The following PHTF2 variants were observed in gnomAD, a reference collection of about 807,000 sequenced individuals.
The protein encoded by PHTF2 is protein PHTF2.
PHTF2 carries 60 observed loss-of-function variants against 101.2 expected under a neutral mutation model. That is an observed-to-expected ratio of 0.59 (90% confidence interval 0.48 to 0.73). PHTF2 has a LOEUF of 0.73. PHTF2 is among the 30% of genes least tolerant of loss of function. PHTF2 has a pLI of 0.00. For missense variants in PHTF2, 747 were observed against 908.7 expected, an observed-to-expected ratio of 0.82 and a Z score of 2.29; for synonymous variants, 311 against 307.3, an observed-to-expected ratio of 1.01 and a Z score of -0.13.
At chr7:77,954,117 A>G (rs1407252015) in intron 19 of PHTF2, among the ~76,000 whole-genome samples, 1 of 152,058 alleles carries the variant, frequency 6.6e-6, no homozygotes, top group African/African-American at 2.4e-5. Flanking sequence ...TGTGTAGGAT[A>G]AGTAGAAGTA....
intron 3 of PHTF2, among the ~76,000 whole-genome samples, chr7:77,864,555 T>C (rs1797901548): frequency 6.6e-6 from 1 of 152,184 alleles, no homozygotes; most frequent in African/African-American, 2.4e-5. Context: ...CAAATAAAAC[T>C]GTTTGAAGTC....
intron 1 of PHTF2, among the ~76,000 whole-genome samples, chr7:77,808,740 A>G (rs1793183322): frequency 6.6e-6 from 1 of 152,194 alleles, no homozygotes; most frequent in Non-Finnish European, 1.5e-5. Flanking sequence ...TTCTCAGTGT[A>G]GGGGTACTTC....
intron 2 of PHTF2, among the ~76,000 whole-genome samples, chr7:77,849,611 A>G (rs1472683314): frequency 1.3e-5 from 2 of 152,186 alleles, no homozygotes; most frequent in Non-Finnish European, 2.9e-5. Context: ...TGTCATTGGC[A>G]TTTTGATAGT....
chr7:77,923,179 A>G, intron 11 of PHTF2: 3 of 923,676 alleles, frequency 3.2e-6, no homozygotes, highest in Non-Finnish European at 3.9e-6. Context: ...AAGTCCCCAT[A>G]CTTCAAAATT....
exon 11 of PHTF2, chr7:77,922,717 C>T: frequency 1.2e-6 from 2 of 1,609,066 alleles, no homozygotes; most frequent in African/African-American, 2.7e-5. Context: ...GTGGACAGGA[C>T]TTCTGAAGGT....
chr7:77,822,775 TTGACACTCAAGC>T, intron 1 of PHTF2, among the ~76,000 whole-genome samples: 1 of 152,164 alleles, frequency 6.6e-6, no homozygotes, highest in Non-Finnish European at 1.5e-5. Context: ...TACTCTCCCA[TTGACACTCAAGC>T]TGAATCTTAG....
intron 15 of PHTF2, among the ~76,000 whole-genome samples, chr7:77,941,806 C>T (rs915064431): frequency 2.0e-5 from 3 of 152,108 alleles, no homozygotes; most frequent in African/African-American, 7.2e-5. Flanking sequence ...CTTTTCATTC[C>T]TTTCTTCAGT....
At chr7:77,881,547 T>G (rs1206820798) in intron 3 of PHTF2, among the ~76,000 whole-genome samples, 1 of 152,134 alleles carries the variant, frequency 6.6e-6, no homozygotes, top group Non-Finnish European at 1.5e-5. Flanking sequence ...CTTTTTTCTT[T>G]TTTTGTAGAG....
intron 1 of PHTF2, among the ~76,000 whole-genome samples, chr7:77,833,786 A>AC (rs1344575244): frequency 1.3e-5 from 2 of 152,190 alleles, no homozygotes; most frequent in African/African-American, 4.8e-5. Flanking sequence ...TGATCAAGCC[A>AC]CTGCACTTCA....
chr7:77,911,096 C>T (rs761442404), intron 9 of PHTF2, among the ~76,000 whole-genome samples: 1 of 152,004 alleles, frequency 6.6e-6, no homozygotes, highest in Non-Finnish European at 1.5e-5. Context: ...AACATATAGG[C>T]ATTGTTACTT....
chr7:77,868,051 C>T (rs191549327), intron 3 of PHTF2, among the ~76,000 whole-genome samples: 46 of 152,180 alleles, frequency 3.0e-4, no homozygotes, highest in Non-Finnish European at 6.0e-4. Flanking sequence ...CTTTTTTCCC[C>T]CCATTCTATA....
At chr7:77,866,374 A>T (rs1457351687) in intron 3 of PHTF2, among the ~76,000 whole-genome samples, 1 of 152,168 alleles carries the variant, frequency 6.6e-6, no homozygotes, top group Admixed American at 6.6e-5. Flanking sequence ...CAGTGCAAAT[A>T]ATGTGCAGTT....
chr7:77,872,277 A>G (rs1454054263), intron 3 of PHTF2, among the ~76,000 whole-genome samples: 2 of 152,178 alleles, frequency 1.3e-5, no homozygotes, highest in Non-Finnish European at 2.9e-5. Context: ...CTTGATTGTT[A>G]AAATCCTGCT....
chr7:77,919,106 A>T (rs892228223), intron 9 of PHTF2, among the ~76,000 whole-genome samples: 6 of 152,122 alleles, frequency 3.9e-5, no homozygotes, highest in African/African-American at 1.4e-4. Flanking sequence ...GAAGGTCTGT[A>T]CTCTAGTGCG....
chr7:77,818,714 A>T (rs977537246), intron 1 of PHTF2, among the ~76,000 whole-genome samples: 2 of 152,084 alleles, frequency 1.3e-5, no homozygotes, highest in African/African-American at 4.8e-5. Context: ...TGTGCTCAGG[A>T]TTGCTTCAGC....
intron 12 of PHTF2, among the ~76,000 whole-genome samples, chr7:77,929,947 A>ATT (rs761290166): frequency 0.021 from 2,534 of 122,128 alleles, 147 homozygotes; most frequent in African/African-American, 0.073. Context: ...GACTAGCCAC[A>ATT]TTTTTTTTTT....
rs561541724 is a variant in PHTF2 at position 77,957,016 on chromosome 7, CT to C, written c.*2139del. On this transcript the variant is annotated 3_prime_UTR_variant, in exon 20 of 20. Transcript: ENST00000416283. ...AAGCAATTTCAGAACATTAACTGAA[CT>C]ATTTTCAAAGCAGAAAAATTGACAT... is the stretch of plus-strand genomic sequence containing the variant. 2.7e-4 allele frequency: 41 copies of C among 152,208 alleles called. No individual in the cohort carries two copies. The East Asian group carries it at 7.7e-3, about 29-fold the overall frequency. The allele number at this position is 152,208 out of a possible 1,614,324, so 9.4% of individuals were successfully genotyped here.
chr7:77,811,049 C>A (rs1793400091), intron 1 of PHTF2, among the ~76,000 whole-genome samples: 1 of 151,928 alleles, frequency 6.6e-6, no homozygotes, highest in Non-Finnish European at 1.5e-5. Flanking sequence ...GACCAGACTC[C>A]CACCACCATG....
intron 12 of PHTF2, 26 bp downstream of exon 11, chr7:77,929,353 GGAGCTAT>G: frequency 8.6e-7 from 1 of 1,157,326 alleles, no homozygotes; most frequent in Non-Finnish European, 1.3e-6. Context: ...TGGCTTATGT[GGAGCTAT>G]GAGTCAAGCT....
Sources: gnomAD v4.1 joint callset for allele counts (sites outside exome capture counted in the v4.1 genomes callset) on GRCh38, gnomAD v4.1.1 for gene constraint, MANE v1.5 for transcripts, NCBI Gene and HGNC (gene_info 2026-07-23, HGNC 2026-07-21) for gene names.